The following CAMK2N1 variants were observed in gnomAD, a reference collection of about 807,000 sequenced individuals.
The protein encoded by CAMK2N1 is calcium/calmodulin dependent protein kinase II inhibitor 1.
CAMK2N1 carries 2 observed loss-of-function variants against 6.4 expected under a neutral mutation model. The ratio of observed to expected loss-of-function variants is 0.31; its 90% CI spans 0.13 to 0.98. CAMK2N1 has a LOEUF of 0.98. Among genes scored for constraint, CAMK2N1 ranks in the 50% least tolerant of loss-of-function variants. CAMK2N1 has a pLI of 0.51. For missense variants in CAMK2N1, 77 were observed against 107.3 expected (o/e 0.72, Z 1.25); for synonymous variants, 42 against 47.5 (o/e 0.88, Z 0.47).
In CAMK2N1 at chr1:20,485,136, G is replaced by C; in HGVS notation, c.166+78C>G. 4 of 1,447,108 alleles carry C rather than the reference G, an allele frequency of 2.8e-6. No individual in the cohort carries two copies. The South Asian group carries it at 3.9e-5, about 14-fold the overall frequency. The allele number at this position is 1,447,108 out of a possible 1,614,324, so 89.6% of individuals were successfully genotyped here. ...GTCAGGTCTGAACGGGCTCCAGCGGGTGGGAGACCTCCGCAACCCTTGTTC... is the reference window on the plus strand; with the variant it reads ...GTCAGGTCTGAACGGGCTCCAGCGGCTGGGAGACCTCCGCAACCCTTGTTC... On this transcript the variant is annotated intron_variant, in intron 1 of 1. Coordinates refer to ENST00000375078, the MANE Select transcript of CAMK2N1 (RefSeq NM_018584.6). The surrounding 1 kb of genome is among the most constrained non-coding windows in gnomAD (Gnocchi z 8.4).
rs1253681961 is a variant in CAMK2N1, at chr1:20,485,624, T to C, written c.-245A>G. The C allele has an allele frequency of 6.7e-6, 1 of 149,292 alleles. No homozygotes were observed. Among genetic ancestry groups the C allele is most frequent in the Non-Finnish European group, 1.5e-5 (1 of 67,250 alleles). The allele number at this position is 149,292 out of a possible 1,614,324, so 9.2% of individuals were successfully genotyped here. ...TCCGGCTCCGCGCGCGAGTGGCTGCTGCTCCGCCAGAGGCGAGCAGGACTC... is the reference window on the plus strand; with the variant it reads ...TCCGGCTCCGCGCGCGAGTGGCTGCCGCTCCGCCAGAGGCGAGCAGGACTC... On this transcript the variant is annotated 5_prime_UTR_variant, in exon 1 of 2. Transcript: ENST00000375078. This position sits in a 1 kb window ranked among gnomAD's most constrained non-coding sequence, Gnocchi z 8.4.
chr1:20,485,110 C>T lies in CAMK2N1; in HGVS notation c.166+104G>A. On this transcript the variant is annotated intron_variant, in intron 1 of 1. Coordinates refer to ENST00000375078, the MANE Select transcript of CAMK2N1 (RefSeq NM_018584.6). The surrounding 1 kb of genome is among the most constrained non-coding windows in gnomAD (Gnocchi z 8.4). ...CCCCCAATTCTGCAAGAAGGGATTC[C>T]GTCAGGTCTGAACGGGCTCCAGCGG... 1 of 1,271,328 alleles carries T rather than the reference C, an allele frequency of 7.9e-7. No homozygotes were observed. The highest frequency in any genetic ancestry group is 1.0e-6 in the Non-Finnish European group (1 of 953,392). 78.8% of individuals were successfully genotyped at this position (1,271,328 alleles called of 1,614,324 possible).
Position 20,485,455 on chromosome 1 carries a change from T to G in CAMK2N1, c.-76A>C. On this transcript the variant is annotated 5_prime_UTR_variant, in exon 1 of 2. Transcript: ENST00000375078. This position sits in a 1 kb window ranked among gnomAD's most constrained non-coding sequence, Gnocchi z 8.4. Reference sequence around the variant, plus strand: ...CCGCGGCGGACAGGGTCAGCGGCGCTGGGGCCGGGGGCGGCCGGCCGGGGA... The same window carrying G: ...CCGCGGCGGACAGGGTCAGCGGCGCGGGGGCCGGGGGCGGCCGGCCGGGGA... 9.4e-7 allele frequency: 1 copy of G among 1,066,190 alleles called. No homozygotes were observed. The highest frequency in any genetic ancestry group is 1.1e-6 in the Non-Finnish European group (1 of 876,716). The allele number at this position is 1,066,190 out of a possible 1,614,324, so 66.0% of individuals were successfully genotyped here.
rs1267858301 is a variant in CAMK2N1 at position 20,482,843 on chromosome 1, T to C, written c.*806A>G. 2.1e-5 allele frequency: 3 copies of C among 142,650 alleles called. No individual in the cohort carries two copies. Among genetic ancestry groups the C allele is most frequent in the Non-Finnish European group, 4.5e-5 (3 of 66,194 alleles). The allele number at this position is 142,650 out of a possible 1,614,324, so 8.8% of individuals were successfully genotyped here. ...AAGTTAGAAAAAGCTCAAGCATTTT[T>C]TTCTTTGTTTTTCGTGTGTGTGTGT... On this transcript the variant is annotated 3_prime_UTR_variant, in exon 2 of 2. Coordinates refer to ENST00000375078, the MANE Select transcript of CAMK2N1 (RefSeq NM_018584.6).
In CAMK2N1 at chr1:20,482,440, G is replaced by A. The variant is rs1052186565; in HGVS notation, c.*1209C>T. 11 of 148,210 alleles carry A rather than the reference G, an allele frequency of 7.4e-5. No individual in the cohort carries two copies. The highest frequency in any genetic ancestry group is 2.5e-4 in the African/African-American group (10 of 39,854). The allele number at this position is 148,210 out of a possible 1,614,324, so 9.2% of individuals were successfully genotyped here. A position where few individuals can be genotyped will look rare whatever the true frequency, so the allele number is the denominator to read the frequency against. ...TTGTACATTGGAGAAATAGCCCTGTGTGCTGGTTCAAGGTGCAACATACAG... is the reference window on the plus strand; with the variant it reads ...TTGTACATTGGAGAAATAGCCCTGTATGCTGGTTCAAGGTGCAACATACAG... On this transcript the variant is annotated 3_prime_UTR_variant, in exon 2 of 2. Transcript: ENST00000375078.
Position 20,483,815 on chromosome 1 carries a change from A to C in CAMK2N1, c.167-96T>G, listed in dbSNP as rs1007279794. 18 of 1,117,472 alleles carry C rather than the reference A, an allele frequency of 1.6e-5. No homozygotes were observed. The African/African-American group carries it at 2.6e-4, about 16-fold the overall frequency. The allele number at this position is 1,117,472 out of a possible 1,614,324, so 69.2% of individuals were successfully genotyped here. A position where few individuals can be genotyped will look rare whatever the true frequency, so the allele number is the denominator to read the frequency against. On this transcript the variant is annotated intron_variant, in intron 1 of 1. Coordinates refer to ENST00000375078, the MANE Select transcript of CAMK2N1 (RefSeq NM_018584.6). ...TATGCCCAGAGTGGGAGGTCGGGAG[A>C]GGAGAGGGCGAGGGAGCAGGGCTCA...
At position 20,485,096 on chromosome 1, in the gene CAMK2N1, G is replaced by C. The variant is rs1323957564; in HGVS notation, c.166+118C>G. Reference sequence around the variant, plus strand: ...CCGCAGTGCGGGATCCCCCAATTCTGCAAGAAGGGATTCCGTCAGGTCTGA... The same window carrying C: ...CCGCAGTGCGGGATCCCCCAATTCTCCAAGAAGGGATTCCGTCAGGTCTGA... On this transcript the variant is annotated intron_variant, in intron 1 of 1. Transcript: ENST00000375078. This position sits in a 1 kb window ranked among gnomAD's most constrained non-coding sequence, Gnocchi z 8.4. 3.4e-6 allele frequency: 4 copies of C among 1,177,820 alleles called. No homozygotes were observed. The highest frequency in any genetic ancestry group is 3.4e-6 in the Non-Finnish European group (3 of 876,844). 73.0% of individuals were successfully genotyped at this position (1,177,820 alleles called of 1,614,324 possible).
In CAMK2N1 at chr1:20,485,561, G is replaced by A. The variant is rs1202020985; in HGVS notation, c.-182C>T. 4.5e-6 allele frequency: 1 copy of A among 223,194 alleles called. No homozygotes were observed. Among genetic ancestry groups the A allele is most frequent in the Non-Finnish European group, 7.4e-6 (1 of 135,500 alleles). 13.8% of individuals were successfully genotyped at this position (223,194 alleles called of 1,614,324 possible). ...GGGCAAGAGCGCGGCACTCGCGCGA[G>A]CGGCCCGGAGAGCGCCCGCGGCTGC... is the stretch of plus-strand genomic sequence containing the variant. On this transcript the variant is annotated 5_prime_UTR_variant, in exon 1 of 2. Transcript: ENST00000375078. The surrounding 1 kb of genome is among the most constrained non-coding windows in gnomAD (Gnocchi z 8.4).
At position 20,485,124 on chromosome 1, in the gene CAMK2N1, G is replaced by C; in HGVS notation, c.166+90C>G. On this transcript the variant is annotated intron_variant, in intron 1 of 1. Transcript: ENST00000375078. This position sits in a 1 kb window ranked among gnomAD's most constrained non-coding sequence, Gnocchi z 8.4. Reference sequence around the variant, plus strand: ...AGAAGGGATTCCGTCAGGTCTGAACGGGCTCCAGCGGGTGGGAGACCTCCG... The same window carrying C: ...AGAAGGGATTCCGTCAGGTCTGAACCGGCTCCAGCGGGTGGGAGACCTCCG... The C allele has an allele frequency of 7.3e-7, 1 of 1,377,538 alleles. No individual in the cohort carries two copies. The highest frequency in any genetic ancestry group is 9.7e-7 in the Non-Finnish European group (1 of 1,032,962). 85.3% of individuals were successfully genotyped at this position (1,377,538 alleles called of 1,614,324 possible). A position where few individuals can be genotyped will look rare whatever the true frequency, so the allele number is the denominator to read the frequency against.
At chr1:20,483,794 C>G in intron 1 of CAMK2N1, 75 bp from the exon 2 acceptor site, 1 of 1,361,346 alleles carries the variant, frequency 7.3e-7, no homozygotes, top group South Asian at 1.2e-5. Context: ...TCCCGTTATG[C>G]CCAGAGTGGG....
chr1:20,483,842 T>G (rs968181021), intron 1 of CAMK2N1, 123 bp from the exon 2 acceptor site: 7 of 836,750 alleles, frequency 8.4e-6, no homozygotes, highest in Non-Finnish European at 1.4e-5. Context: ...CAGGGCTCAC[T>G]GCGCGGTGAA....
Position 20,485,248 on chromosome 1 carries a change from C to T in CAMK2N1, c.132G>A (p.Pro44=), listed in dbSNP as rs759610882. The T allele has an allele frequency of 1.9e-6, 3 of 1,596,882 alleles. No homozygotes were observed. Among genetic ancestry groups the T allele is most frequent in the Non-Finnish European group, 2.6e-6 (3 of 1,174,558 alleles). Residue 44 remains proline (P), a synonymous_variant, in exon 1 of 2, where the codon CCG becomes CCA. Coordinates refer to ENST00000375078, the MANE Select transcript of CAMK2N1 (RefSeq NM_018584.6). The surrounding 1 kb of genome is among the most constrained non-coding windows in gnomAD (Gnocchi z 8.4). The stretch of plus-strand genomic sequence containing the variant: ...TCCGGCCGATCTGGCCCAGCTTGGG[C>T]GGCCGCTTGTTCTGCCCGGCGCCGA... ...NFFGAGQNKR[P]PKLGQIGRSK... is the part of the protein sequence containing the mutation.
At position 20,483,655 on chromosome 1, in the gene CAMK2N1, A is replaced by C; in HGVS notation, c.231T>G (p.Gly77=). ...LKNMTDKAPP[G]V is the part of the protein sequence containing the mutation. ...CTCATTGTCTTTGGGGGAGTTAGACACCAGGAGGTGCCTTGTCGGTCATAT... is the reference window on the plus strand; with the variant it reads ...CTCATTGTCTTTGGGGGAGTTAGACCCCAGGAGGTGCCTTGTCGGTCATAT... Residue 77 remains glycine, a synonymous_variant, in exon 2 of 2, where the codon GGT becomes GGG. Transcript: ENST00000375078. The C allele has an allele frequency of 6.2e-7, 1 of 1,613,568 alleles. No individual in the cohort carries two copies. The highest frequency in any genetic ancestry group is 8.5e-7 in the Non-Finnish European group (1 of 1,179,532).
chr1:20,483,572 T>G lies in CAMK2N1; in HGVS notation c.*77A>C. The G allele has an allele frequency of 1.5e-6, 2 of 1,305,420 alleles. No individual in the cohort carries two copies. Among genetic ancestry groups the G allele is most frequent in the Non-Finnish European group, 1.1e-6 (1 of 900,670 alleles). 80.9% of individuals were successfully genotyped at this position (1,305,420 alleles called of 1,614,324 possible). On this transcript the variant is annotated 3_prime_UTR_variant, in exon 2 of 2. Transcript: ENST00000375078. ...AGCTAGTAATAAATTTCAAAGTGCT[T>G]TCTCTTTTCATGCTTTTTGCCAATA...
Position 20,482,674 on chromosome 1 carries a change from A to G in CAMK2N1, c.*975T>C, listed in dbSNP as rs1487656433. ...ATTCCTGTACGTGGACTCAGAGCACAGAGAAAAGAAACTAAAATGCCTTTT... is the reference window on the plus strand; with the variant it reads ...ATTCCTGTACGTGGACTCAGAGCACGGAGAAAAGAAACTAAAATGCCTTTT... On this transcript the variant is annotated 3_prime_UTR_variant, in exon 2 of 2. Transcript: ENST00000375078. 6.6e-6 allele frequency: 1 copy of G among 152,604 alleles called. No homozygotes were observed. Among genetic ancestry groups the G allele is most frequent in the Non-Finnish European group, 1.5e-5 (1 of 68,048 alleles). 9.5% of individuals were successfully genotyped at this position (152,604 alleles called of 1,614,324 possible). A position where few individuals can be genotyped will look rare whatever the true frequency, so the allele number is the denominator to read the frequency against.
At position 20,484,041 on chromosome 1, in the gene CAMK2N1, A is replaced by AT. The variant is rs933233188; in HGVS notation, c.167-323dup. On this transcript the variant is annotated intron_variant, in intron 1 of 1. Coordinates refer to ENST00000375078, the MANE Select transcript of CAMK2N1 (RefSeq NM_018584.6). This position sits in a 1 kb window ranked among gnomAD's most constrained non-coding sequence, Gnocchi z 6.8. ...CGTCCTCCCCGCACCAGGCGCACTA[A>AT]TTTAGACAGAAATGTCTGGAGCTGG... Among the ~76,000 whole-genome samples, 1 of 152,148 alleles carries AT rather than the reference A, an allele frequency of 6.6e-6. No individual in the cohort carries two copies. The highest frequency in any genetic ancestry group is 1.5e-5 in the Non-Finnish European group (1 of 68,012).
Position 20,483,078 on chromosome 1 carries a change from A to G in CAMK2N1, c.*571T>C, listed in dbSNP as rs1424884609. The G allele has an allele frequency of 6.6e-6, 1 of 152,598 alleles. No individual in the cohort carries two copies. Among genetic ancestry groups the G allele is most frequent in the Non-Finnish European group, 1.5e-5 (1 of 68,060 alleles). The allele number at this position is 152,598 out of a possible 1,614,324, so 9.5% of individuals were successfully genotyped here. Reference sequence around the variant, plus strand: ...TCTAAAGATGACCAAAATAAAACAGAATATCTACAGAGATCATTTTCTGAA... The same window carrying G: ...TCTAAAGATGACCAAAATAAAACAGGATATCTACAGAGATCATTTTCTGAA... On this transcript the variant is annotated 3_prime_UTR_variant, in exon 2 of 2. Transcript: ENST00000375078.
chr1:20,484,842 A>G lies in CAMK2N1; in HGVS notation c.166+372T>C, dbSNP rs957655232. Among the ~76,000 whole-genome samples the G allele has an allele frequency of 6.6e-5, 10 of 151,934 alleles. No individual in the cohort carries two copies. Among genetic ancestry groups the G allele is most frequent in the Non-Finnish European group, 1.3e-4 (9 of 67,918 alleles). Reference sequence around the variant, plus strand: ...TGGGATCCTCCCCACGCAGGTCCCCACGCCGTCCCCTGGGGGTCCCTGGGA... The same window carrying G: ...TGGGATCCTCCCCACGCAGGTCCCCGCGCCGTCCCCTGGGGGTCCCTGGGA... On this transcript the variant is annotated intron_variant, in intron 1 of 1. Coordinates refer to ENST00000375078, the MANE Select transcript of CAMK2N1 (RefSeq NM_018584.6). This position sits in a 1 kb window ranked among gnomAD's most constrained non-coding sequence, Gnocchi z 6.8.
chr1:20,485,078 G>T lies in CAMK2N1; in HGVS notation c.166+136C>A. The T allele has an allele frequency of 9.6e-7, 1 of 1,037,074 alleles. No individual in the cohort carries two copies. Among genetic ancestry groups the T allele is most frequent in the Non-Finnish European group, 1.3e-6 (1 of 758,478 alleles). 64.2% of individuals were successfully genotyped at this position (1,037,074 alleles called of 1,614,324 possible). A position where few individuals can be genotyped will look rare whatever the true frequency, so the allele number is the denominator to read the frequency against. The stretch of plus-strand genomic sequence containing the variant: ...GACCCGCTTCAGCCGGACCCGCAGT[G>T]CGGGATCCCCCAATTCTGCAAGAAG... On this transcript the variant is annotated intron_variant, in intron 1 of 1. Coordinates refer to ENST00000375078, the MANE Select transcript of CAMK2N1 (RefSeq NM_018584.6). This position sits in a 1 kb window ranked among gnomAD's most constrained non-coding sequence, Gnocchi z 8.4.
Sources: allele counts gnomAD v4.1 joint callset (sites outside exome capture counted in the v4.1 genomes callset), GRCh38; gene constraint gnomAD v4.1.1; non-coding constraint Gnocchi (gnomAD v3.1); transcripts MANE v1.5; gene names NCBI Gene and HGNC (gene_info 2026-07-23, HGNC 2026-07-21).